Variants in DLG2 observed in about 807,000 individuals in gnomAD.
DLG2 encodes discs large MAGUK scaffold protein 2.
DLG2 carries 45 observed loss-of-function variants against 132.5 expected under a neutral mutation model. That is an observed-to-expected ratio of 0.34 (90% confidence interval 0.27 to 0.44). The LOEUF is 0.44. DLG2 is among the 20% of genes least tolerant of loss of function. The pLI, the probability that DLG2 is intolerant of heterozygous loss-of-function variation, is 1.00. For synonymous variants in DLG2, 424 were observed against 419.6 expected (o/e 1.01, Z -0.13); for missense variants, 1,045 against 1,196.9 (o/e 0.87, Z 1.87).
intron 19 of DLG2, among the ~76,000 whole-genome samples, chr11:83,620,657 T>C (rs939407624): frequency 6.6e-6 from 1 of 151,558 alleles, no homozygotes; most frequent in African/African-American, 2.4e-5. Context: ...GATCACGAGG[T>C]CAGGAGATCG....
At chr11:84,821,645 C>CAA (rs2077702786) in intron 6 of DLG2, among the ~76,000 whole-genome samples, 3 of 103,574 alleles carry the variant, frequency 2.9e-5, no homozygotes, top group African/African-American at 1.1e-4. Context: ...AAAAAAACAA[C>CAA]AACAACAAAA....
Position 84,928,100 on chromosome 11 carries a change from T to A in DLG2, c.357+183561A>T, listed in dbSNP as rs1041982662. ...AAATTAACTTTATAGAAGAGGAAAG[T>A]ATAGAAAACAAACAGAAGGTAATTT... On this transcript the variant is annotated intron_variant, in intron 6 of 27. Coordinates refer to ENST00000376104, the MANE Select transcript of DLG2 (RefSeq NM_001142699.3). Among the ~76,000 whole-genome samples the A allele has an allele frequency of 3.9e-5, 6 of 151,942 alleles. No homozygotes were observed. The East Asian group carries it at 1.2e-3, about 29-fold the overall frequency.
At chr11:85,425,506 T>A (rs2090644368) in intron 3 of DLG2, among the ~76,000 whole-genome samples, 1 of 152,188 alleles carries the variant, frequency 6.6e-6, no homozygotes, top group Non-Finnish European at 1.5e-5. Flanking sequence ...CATACATTAC[T>A]GGTAACACTT....
chr11:84,630,607 A>T (rs902464058), intron 6 of DLG2, among the ~76,000 whole-genome samples: 4 of 152,214 alleles, frequency 2.6e-5, no homozygotes, highest in African/African-American at 9.6e-5. Context: ...GTTAGTCTTT[A>T]ATGTGCATTG....
chr11:85,626,304 A>G (rs931974543), intron 2 of DLG2, among the ~76,000 whole-genome samples: 8 of 152,216 alleles, frequency 5.3e-5, no homozygotes, highest in Non-Finnish European at 1.2e-4. Flanking sequence ...ACAAGCTAAG[A>G]AAACAAGCTA....
At chr11:84,787,083 C>CT (rs1278392179) in intron 6 of DLG2, among the ~76,000 whole-genome samples, 1 of 152,128 alleles carries the variant, frequency 6.6e-6, no homozygotes, top group African/African-American at 2.4e-5. Flanking sequence ...GAAACAATGA[C>CT]TTTTTTGCAG....
intron 10 of DLG2, among the ~76,000 whole-genome samples, chr11:84,070,369 T>C (rs1280895764): frequency 6.6e-6 from 1 of 152,190 alleles, no homozygotes; most frequent in Admixed American, 6.5e-5. Flanking sequence ...GCCCATGAAA[T>C]GTTTCCAAAT....
At chr11:84,467,076 A>G (rs1186252721) in intron 7 of DLG2, among the ~76,000 whole-genome samples, 6 of 151,322 alleles carry the variant, frequency 4.0e-5, no homozygotes, top group African/African-American at 7.3e-5. Flanking sequence ...CGTATCTAGC[A>G]CAAAGATCTT....
chr11:84,019,409 C>T (rs1286479041), intron 11 of DLG2, among the ~76,000 whole-genome samples: 1 of 151,960 alleles, frequency 6.6e-6, no homozygotes, highest in Non-Finnish European at 1.5e-5. Context: ...AAGGGTGAAA[C>T]AAAGAAAGGT....
chr11:84,637,213 C>T (rs1223928414), intron 6 of DLG2, among the ~76,000 whole-genome samples: 2 of 152,096 alleles, frequency 1.3e-5, no homozygotes, highest in Non-Finnish European at 2.9e-5. Flanking sequence ...CAGATAAGGC[C>T]ACCTCGAGAA....
At chr11:83,790,116 C>T (rs1334264478) in intron 17 of DLG2, 2 of 922,052 alleles carry the variant, frequency 2.2e-6, no homozygotes, top group Non-Finnish European at 1.7e-6. Context: ...ACTGGCTTGG[C>T]CAGTCTGACA....
chr11:84,558,267 A>G (rs566961373), intron 6 of DLG2, among the ~76,000 whole-genome samples: 94 of 152,174 alleles, frequency 6.2e-4, no homozygotes, highest in Non-Finnish European at 1.0e-3. Context: ...TGCAGCATTC[A>G]CTGTCAGCCA....
chr11:84,515,852 A>G (rs1252282317), intron 7 of DLG2, among the ~76,000 whole-genome samples: 1 of 151,932 alleles, frequency 6.6e-6, no homozygotes, highest in Non-Finnish European at 1.5e-5. Context: ...AACAAATCAT[A>G]AAAGATTTTA....
At chr11:85,535,944 G>A (rs2153197491) in intron 3 of DLG2, among the ~76,000 whole-genome samples, 2 of 152,152 alleles carry the variant, frequency 1.3e-5, no homozygotes, top group East Asian at 3.9e-4. Context: ...GTCCAAGTGT[G>A]GTGGCTCATG....
chr11:84,346,287 T>C (rs2098538990), intron 7 of DLG2, among the ~76,000 whole-genome samples: 1 of 152,236 alleles, frequency 6.6e-6, no homozygotes, highest in Non-Finnish European at 1.5e-5. Flanking sequence ...TGTTTATTTA[T>C]TTATAGGTCT....
intron 8 of DLG2, among the ~76,000 whole-genome samples, chr11:84,232,400 T>C (rs2097105461): frequency 6.6e-6 from 1 of 152,198 alleles, no homozygotes; most frequent in Non-Finnish European, 1.5e-5. Context: ...CAAGAACTTT[T>C]ATTACATGAG....
chr11:84,272,333 T>C (rs763270619), intron 7 of DLG2: 49 of 418,908 alleles, frequency 1.2e-4, no homozygotes, highest in Middle Eastern at 1.0e-3. Context: ...TGAGTTTCTA[T>C]GTCAGAAATA....
intron 17 of DLG2, chr11:83,790,884 C>T: frequency 1.3e-6 from 1 of 753,394 alleles, no homozygotes; most frequent in Non-Finnish European, 2.3e-6. Context: ...TTCCAAAGGA[C>T]ACATCCCCTC....
chr11:83,850,149 TGTG>T (rs2059425393), intron 16 of DLG2, among the ~76,000 whole-genome samples: 1 of 133,566 alleles, frequency 7.5e-6, no homozygotes, highest in African/African-American at 3.3e-5. Context: ...TGTGTGTGTG[TGTG>T]TGTGTGTGTT....
Sources: allele counts gnomAD v4.1 joint callset (sites outside exome capture counted in the v4.1 genomes callset), GRCh38; gene constraint gnomAD v4.1.1; transcripts MANE v1.5; gene names NCBI Gene and HGNC (gene_info 2026-07-23, HGNC 2026-07-21).